ZNF197: variants seen among roughly 807,000 people sequenced by gnomAD.
The protein encoded by ZNF197 is VHL-associated KRAB-A domain-containing protein.
ZNF197 carries 14 observed loss-of-function variants against 27.4 expected under a neutral mutation model. The observed-to-expected ratio is 0.51, with a 90% CI of 0.34 to 0.80. The LOEUF is 0.80. ZNF197 is among the 30% of genes least tolerant of loss of function. The probability of loss-of-function intolerance (pLI) is 0.02; values close to 1 mark genes in which losing one functional copy is unlikely to be tolerated. For missense variants in ZNF197, 1,090 were observed against 1,222.6 expected (o/e 0.89, Z 1.62); for synonymous variants, 415 against 420.0 (o/e 0.99, Z 0.15).
At chr3:44,631,938 G>C (rs28699350) in intron 3 of ZNF197, among the ~76,000 whole-genome samples, 167 bp from the exon 4 acceptor site, 43,472 of 150,914 alleles carry the variant, frequency 0.29, 6,761 homozygotes, top group African/African-American at 0.33. Context: ...CTTGACCTTG[G>C]GAGCCACCCA....
chr3:44,644,014 G>A lies in ZNF197; in HGVS notation c.2884G>A (p.Asp962Asn). Residue 962 changes from aspartate to asparagine, a missense_variant, in exon 6 of 6, where the codon GAT becomes AAT. Coordinates refer to ENST00000344387, the MANE Select transcript of ZNF197 (RefSeq NM_006991.5). Reference sequence around the variant, plus strand: ...AGGGGAGAAACCCTATGGGTGTAATGATTGTAGTAAAGTTTTTAGGCAAAG... The same window carrying A: ...AGGGGAGAAACCCTATGGGTGTAATAATTGTAGTAAAGTTTTTAGGCAAAG... ...HTGEKPYGCN[D>N]CSKVFRQRKN... 1 of 1,614,118 alleles carries A rather than the reference G, an allele frequency of 6.2e-7. No homozygotes were observed. The highest frequency in any genetic ancestry group is 8.5e-7 in the Non-Finnish European group (1 of 1,180,020).
intron 5 of ZNF197, among the ~76,000 whole-genome samples, chr3:44,639,847 A>G (rs1210935897): frequency 6.6e-6 from 1 of 152,044 alleles, no homozygotes; most frequent in Admixed American, 6.6e-5. Context: ...GTCTAGGGGC[A>G]TAAGAGATAC....
intron 2 of ZNF197, among the ~76,000 whole-genome samples, chr3:44,630,379 G>A (rs1701914429): frequency 6.6e-6 from 1 of 152,178 alleles, no homozygotes; most frequent in East Asian, 1.9e-4. Context: ...ATTAGATTGG[G>A]ATCTTAATGT....
intron 5 of ZNF197, among the ~76,000 whole-genome samples, 197 bp from the exon 6 acceptor site, chr3:44,641,703 C>T (rs1702610392): frequency 6.6e-6 from 1 of 152,200 alleles, no homozygotes; most frequent in South Asian, 2.1e-4. Context: ...ATGTCTCAAC[C>T]TGAGTTGTAT....
rs368877630 is a variant in ZNF197, at chr3:44,632,615, T to C, written c.769+16T>C. 57 of 1,509,082 alleles carry C rather than the reference T, an allele frequency of 3.8e-5. No homozygotes were observed. In the African/African-American group the frequency reaches 7.4e-4, roughly 19 times the overall value. The allele number at this position is 1,509,082 out of a possible 1,614,324, so 93.5% of individuals were successfully genotyped here. A position where few individuals can be genotyped will look rare whatever the true frequency, so the allele number is the denominator to read the frequency against. On this transcript the variant is annotated intron_variant, in intron 5 of 5. Coordinates refer to ENST00000344387, the MANE Select transcript of ZNF197 (RefSeq NM_006991.5). ...ACCTCCCTAGGTAAGGATTCTTCTT[T>C]CTATGATGCTTACCTTTATTTCACC...
rs867995205 is a variant in ZNF197, at chr3:44,641,792, A to G, written c.770-108A>G. 2.4e-6 allele frequency: 3 copies of G among 1,253,716 alleles called. No homozygotes were observed. In the Admixed American group the frequency reaches 9.4e-5, roughly 39 times the overall value. The allele number at this position is 1,253,716 out of a possible 1,614,324, so 77.7% of individuals were successfully genotyped here. Reference sequence around the variant, plus strand: ...TTAATGAAAAGTTTCTCCTTTTTGTATGCATATTAAAGTGTGCCTTCCTAG... The same window carrying G: ...TTAATGAAAAGTTTCTCCTTTTTGTGTGCATATTAAAGTGTGCCTTCCTAG... On this transcript the variant is annotated intron_variant, in intron 5 of 5. Coordinates refer to ENST00000344387, the MANE Select transcript of ZNF197 (RefSeq NM_006991.5).
intron 1 of ZNF197, among the ~76,000 whole-genome samples, chr3:44,627,517 T>C (rs1454666879): frequency 6.6e-6 from 1 of 152,146 alleles, no homozygotes; most frequent in Non-Finnish European, 1.5e-5. Flanking sequence ...CCTTTTATTT[T>C]TCCTTAAAAG....
Position 44,644,441 on chromosome 3 carries a change from C to T in ZNF197, c.*221C>T. 4.6e-6 allele frequency: 5 copies of T among 1,098,320 alleles called. No homozygotes were observed. The highest frequency in any genetic ancestry group is 5.8e-6 in the Non-Finnish European group (5 of 859,488). The allele number at this position is 1,098,320 out of a possible 1,614,324, so 68.0% of individuals were successfully genotyped here. A position where few individuals can be genotyped will look rare whatever the true frequency, so the allele number is the denominator to read the frequency against. On this transcript the variant is annotated 3_prime_UTR_variant, in exon 6 of 6. Coordinates refer to ENST00000344387, the MANE Select transcript of ZNF197 (RefSeq NM_006991.5). ...ATCACCTGAGGTCAGGATTTTGAGA[C>T]CAGCCTGACCAACATGGTGAAACCC...
At chr3:44,630,569 C>T (rs1040705411) in intron 2 of ZNF197, among the ~76,000 whole-genome samples, 4 of 152,172 alleles carry the variant, frequency 2.6e-5, no homozygotes, top group African/African-American at 9.7e-5. Context: ...ACTAATACAT[C>T]CTCATTTGAG....
Position 44,629,326 on chromosome 3 carries a change from GAAGCCCTGA to G in ZNF197, c.173_181del (p.Glu58_Ser61delinsGly), listed in dbSNP as rs1172120671. 6.2e-7 allele frequency: 1 copy of G among 1,614,134 alleles called. No homozygotes were observed. The highest frequency in any genetic ancestry group is 8.5e-7 in the Non-Finnish European group (1 of 1,180,012). On this transcript the variant is annotated inframe_deletion, in exon 2 of 6. Coordinates refer to ENST00000344387, the MANE Select transcript of ZNF197 (RefSeq NM_006991.5). Reference sequence around the variant, plus strand: ...TTACCATGAGACATCTGGACCCCAGGAAGCCCTGAGCCGGCTCAGGGAACTCTGTCGCCG... The same window carrying G: ...TTACCATGAGACATCTGGACCCCAGGGCCGGCTCAGGGAACTCTGTCGCCG...
chr3:44,628,375 T>C (rs1442381878), intron 1 of ZNF197, among the ~76,000 whole-genome samples: 1 of 152,188 alleles, frequency 6.6e-6, no homozygotes, highest in Non-Finnish European at 1.5e-5. Flanking sequence ...TGGGACTAGA[T>C]GTGAAAGGAA....
chr3:44,636,797 A>T (rs1702319767), intron 5 of ZNF197, among the ~76,000 whole-genome samples: 1 of 152,200 alleles, frequency 6.6e-6, no homozygotes, highest in Non-Finnish European at 1.5e-5. Context: ...TTTCCAAAGC[A>T]ACTGCACCAT....
chr3:44,639,469 ATT>A (rs1240195444), intron 5 of ZNF197, among the ~76,000 whole-genome samples: 2 of 139,548 alleles, frequency 1.4e-5, no homozygotes, highest in Non-Finnish European at 1.6e-5. Context: ...GGTGGGGGTA[ATT>A]TTTTTTTTTT....
Position 44,632,591 on chromosome 3 carries a change from C to T in ZNF197, c.761C>T (p.Thr254Ile), listed in dbSNP as rs752800533. Residue 254 changes from threonine (T) to isoleucine (I), a missense_variant, in exon 5 of 6, where the codon ACC (threonine) becomes ATC (isoleucine). Transcript: ENST00000344387. The stretch of plus-strand genomic sequence containing the variant: ...ATGCTGGAGAATTATGGAAATGTGA[C>T]CTCCCTAGGTAAGGATTCTTCTTTC... The part of the protein sequence containing the change: ...DVMLENYGNV[T>I]SLEWETMTEN... 1 of 1,575,092 alleles carries T rather than the reference C, an allele frequency of 6.3e-7. No homozygotes were observed.
chr3:44,631,575 ATTTT>A (rs939592760), intron 3 of ZNF197, among the ~76,000 whole-genome samples: 4 of 141,534 alleles, frequency 2.8e-5, no homozygotes, highest in Admixed American at 7.1e-5. Flanking sequence ...TAGTTTTTTA[ATTTT>A]TTTTTTAGTA....
At chr3:44,641,817 G>T in intron 5 of ZNF197, 83 bp from the exon 6 acceptor site, 1 of 1,439,380 alleles carries the variant, frequency 6.9e-7, no homozygotes, top group Non-Finnish European at 9.2e-7. Flanking sequence ...TGCCTTCCTA[G>T]AATGTTTTAA....
intron 3 of ZNF197, 90 bp from the exon 4 acceptor site, chr3:44,632,015 C>A: frequency 8.6e-7 from 1 of 1,166,122 alleles, no homozygotes; most frequent in Non-Finnish European, 1.3e-6. Flanking sequence ...ATCATTCTTA[C>A]TGCTACTCTT....
chr3:44,637,542 T>C (rs1702368092), intron 5 of ZNF197, among the ~76,000 whole-genome samples: 1 of 152,160 alleles, frequency 6.6e-6, no homozygotes, highest in Non-Finnish European at 1.5e-5. Flanking sequence ...TAAGAAACCA[T>C]CACTAATCTA....
rs1028746271 is a variant in ZNF197, at chr3:44,642,293, A to G, written c.1163A>G (p.His388Arg). The change falls in exon 6 of 6, where the codon CAT becomes CGT. Residue 388 changes from histidine to arginine, a missense_variant. His to Arg is a conservative substitution (Grantham distance 29). Coordinates refer to ENST00000344387, the MANE Select transcript of ZNF197 (RefSeq NM_006991.5). ...HFNKISHLINHRRIHTGEKPH... is the reference protein window; with the variant it reads ...HFNKISHLINRRRIHTGEKPH... Reference sequence around the variant, plus strand: ...AATAAAATCTCCCATCTTATAAACCATCGGAGAATCCACACTGGTGAGAAA... The same window carrying G: ...AATAAAATCTCCCATCTTATAAACCGTCGGAGAATCCACACTGGTGAGAAA... 3.1e-6 allele frequency: 5 copies of G among 1,614,140 alleles called. No homozygotes were observed. The highest frequency in any genetic ancestry group is 4.2e-6 in the Non-Finnish European group (5 of 1,180,014).
Sources: allele counts gnomAD v4.1 joint callset (sites outside exome capture counted in the v4.1 genomes callset), GRCh38; gene constraint gnomAD v4.1.1; transcripts MANE v1.5; gene names NCBI Gene and HGNC (gene_info 2026-07-23, HGNC 2026-07-21).